FYB1: variants seen among roughly 807,000 people sequenced by gnomAD.
The protein encoded by FYB1 is FYN-binding protein 1.
In FYB1, 41 loss-of-function variants were observed where a neutral mutation model predicts 94.1. The ratio of observed to expected loss-of-function variants is 0.44; its 90% CI spans 0.34 to 0.57. FYB1 has a LOEUF of 0.57. FYB1 is among the 20% of genes least tolerant of loss of function. FYB1 has a pLI of 0.02. For synonymous variants in FYB1, 367 were observed against 353.2 expected (o/e 1.04, Z -0.44); for missense variants, 1,050 against 976.8 (o/e 1.07, Z -1.00).
At chr5:39,231,166 A>C (rs1418715881) in intron 1 of FYB1, among the ~76,000 whole-genome samples, 1 of 134,834 alleles carries the variant, frequency 7.4e-6, no homozygotes. Context: ...AAAAAACAAA[A>C]AAAAACAAAA....
intron 1 of FYB1, among the ~76,000 whole-genome samples, chr5:39,250,083 G>A (rs950925026): frequency 1.3e-5 from 2 of 152,146 alleles, no homozygotes; most frequent in South Asian, 2.1e-4. Flanking sequence ...AGACATGCCT[G>A]CTTCCCCTTT....
intron 11 of FYB1, 151 bp downstream of exon 11, chr5:39,127,590 G>T (rs1416068670): frequency 8.6e-6 from 7 of 812,706 alleles, no homozygotes; most frequent in African/African-American, 1.8e-5. Context: ...ACACTTCCTG[G>T]TTTACAATTG....
chr5:39,213,513 T>C (rs700187), intron 1 of FYB1, among the ~76,000 whole-genome samples: 129,017 of 152,182 alleles, frequency 0.85, 55,054 homozygotes, highest in East Asian at 0.94. Flanking sequence ...AGATCTGAGA[T>C]GAGCAAGGAA....
Position 39,202,061 on chromosome 5 carries a change from A to C in FYB1, c.900T>G (p.Asn300Lys). The change falls in exon 2 of 19, where the codon AAT becomes AAG. Residue 300 changes from asparagine (N) to lysine (K), a missense_variant. By Grantham distance (94) the Asn-to-Lys change is moderately conservative. Transcript: ENST00000512982. ...AAKNTFQSKI[N>K]QEELASGTPP... ...GAGTCCCTGAGGCCAACTCTTCCTGATTTATTTTGCTCTGGAAGGTGTTCT... is the reference window on the plus strand; with the variant it reads ...GAGTCCCTGAGGCCAACTCTTCCTGCTTTATTTTGCTCTGGAAGGTGTTCT... The C allele has an allele frequency of 6.2e-7, 1 of 1,613,912 alleles. No individual in the cohort carries two copies. The highest frequency in any genetic ancestry group is 8.5e-7 in the Non-Finnish European group (1 of 1,179,866).
At chr5:39,210,772 AGGCTGATGTGG>A (rs1749292738) in intron 1 of FYB1, among the ~76,000 whole-genome samples, 1 of 152,200 alleles carries the variant, frequency 6.6e-6, no homozygotes, top group Non-Finnish European at 1.5e-5. Flanking sequence ...GCTACTCAGG[AGGCTGATGTGG>A]GAAGACCGCT....
chr5:39,151,740 A>G (rs1024487749), intron 3 of FYB1, among the ~76,000 whole-genome samples: 1 of 152,214 alleles, frequency 6.6e-6, no homozygotes, highest in Non-Finnish European at 1.5e-5. Context: ...AATCTATTAG[A>G]TCTTGACTTG....
rs771788208 is a variant in FYB1, at chr5:39,201,993, C to G, written c.968G>C (p.Gly323Ala). The G allele has an allele frequency of 1.2e-6, 2 of 1,614,046 alleles. No individual in the cohort carries two copies. Among genetic ancestry groups the G allele is most frequent in the Admixed American group, 1.7e-5 (1 of 60,028 alleles). ...TTCCTGACTTTGGCCCCATGGCCCC[C>G]CCACTGTCAGCTTAGAAGGGGCCTT... Reference protein sequence around the residue: ...FPKAPSKLTVGGPWGQSQEKE... With the variant: ...FPKAPSKLTVAGPWGQSQEKE... Residue 323 changes from glycine (G) to alanine (A), a missense_variant, in exon 2 of 19, where the codon GGG becomes GCG. Physicochemically the swap from Gly to Ala is moderately conservative, Grantham distance 60. Transcript: ENST00000512982.
intron 1 of FYB1, among the ~76,000 whole-genome samples, chr5:39,259,466 G>T (rs1752125987): frequency 6.6e-6 from 1 of 152,202 alleles, no homozygotes; most frequent in African/African-American, 2.4e-5. Flanking sequence ...AGTGGTACAG[G>T]TAAGTACAGC....
chr5:39,192,923 C>G (rs1298445890), intron 2 of FYB1, among the ~76,000 whole-genome samples: 4 of 152,236 alleles, frequency 2.6e-5, no homozygotes, highest in African/African-American at 9.6e-5. Context: ...GGGGCCTTCC[C>G]CTTGTCGTGG....
At chr5:39,168,229 T>G (rs1240683227) in intron 2 of FYB1, among the ~76,000 whole-genome samples, 3 of 152,224 alleles carry the variant, frequency 2.0e-5, no homozygotes, top group African/African-American at 7.2e-5. Flanking sequence ...TCTCTTGAGT[T>G]TAGCATTGCT....
intron 14 of FYB1, 45 bp from the exon 15 acceptor site, chr5:39,119,679 T>A (rs750802327): frequency 8.4e-6 from 12 of 1,435,048 alleles, no homozygotes; most frequent in Non-Finnish European, 1.1e-5. Context: ...GTTTAGAAAA[T>A]TAAAAAGAAT....
intron 2 of FYB1, among the ~76,000 whole-genome samples, chr5:39,193,737 G>T (rs1475390126): frequency 6.6e-6 from 1 of 152,198 alleles, no homozygotes; most frequent in Non-Finnish European, 1.5e-5. Context: ...GGCAGAAGGG[G>T]GATGAGCTGC....
At chr5:39,248,970 T>C (rs1751600655) in intron 1 of FYB1, among the ~76,000 whole-genome samples, 1 of 152,232 alleles carries the variant, frequency 6.6e-6, no homozygotes, top group Non-Finnish European at 1.5e-5. Flanking sequence ...AAATTTTTGT[T>C]AATTAAAATT....
chr5:39,244,070 A>T (rs1301667970), intron 1 of FYB1, among the ~76,000 whole-genome samples: 1 of 152,124 alleles, frequency 6.6e-6, no homozygotes, highest in African/African-American at 2.4e-5. Context: ...CTAAATATAC[A>T]ATCATGTCAT....
intron 2 of FYB1, among the ~76,000 whole-genome samples, chr5:39,172,511 A>G (rs1168786560): frequency 6.6e-6 from 1 of 152,116 alleles, no homozygotes; most frequent in African/African-American, 2.4e-5. Context: ...GGTTTGTTAC[A>G]TGGGTGTATT....
intron 2 of FYB1, among the ~76,000 whole-genome samples, chr5:39,168,925 G>A (rs1199735205): frequency 6.6e-6 from 1 of 152,020 alleles, no homozygotes; most frequent in African/African-American, 2.4e-5. Context: ...CTGTACAGAG[G>A]TGAACACCAC....
At chr5:39,241,412 C>A (rs920428330) in intron 1 of FYB1, among the ~76,000 whole-genome samples, 1 of 152,156 alleles carries the variant, frequency 6.6e-6, no homozygotes, top group Non-Finnish European at 1.5e-5. Flanking sequence ...GGGACATAAG[C>A]TTCAGTTCTA....
In FYB1 at chr5:39,202,134, G is replaced by T. The variant is rs1265708746; in HGVS notation, c.827C>A (p.Ser276Tyr). ...PAASRGGPGL[S>Y]KNGEEKKEDR... ...TTCCTTTTTTTCTTCACCATTTTTG[G>T]AGAGACCTGGGCCTCCCCTGCTCGC... The change falls in exon 2 of 19, where the codon TCC (serine) becomes TAC (tyrosine). Residue 276 changes from serine (S) to tyrosine (Y), a missense_variant. By Grantham distance (144) the Ser-to-Tyr change is moderately radical. Coordinates refer to ENST00000512982, the MANE Select transcript of FYB1 (RefSeq NM_001465.6). The T allele has an allele frequency of 1.2e-6, 2 of 1,613,912 alleles. No homozygotes were observed. Among genetic ancestry groups the T allele is most frequent in the South Asian group, 2.2e-5 (2 of 91,076 alleles).
At chr5:39,247,257 A>T (rs1034024720) in intron 1 of FYB1, among the ~76,000 whole-genome samples, 11 of 151,540 alleles carry the variant, frequency 7.3e-5, no homozygotes, top group Non-Finnish European at 1.6e-4. Flanking sequence ...TAGTTCCCAG[A>T]TACTAAGTTT....
Sources: allele counts gnomAD v4.1 joint callset (sites outside exome capture counted in the v4.1 genomes callset), GRCh38; gene constraint gnomAD v4.1.1; transcripts MANE v1.5; gene names NCBI Gene and HGNC (gene_info 2026-07-23, HGNC 2026-07-21).